ZNF736: variants seen among roughly 807,000 people sequenced by gnomAD.
The protein encoded by ZNF736 is KRAB-containing zinc-finger repressor protein.
ZNF736 carries 6 observed loss-of-function variants against 11.7 expected under a neutral mutation model. The ratio of observed to expected loss-of-function variants is 0.51; its 90% confidence interval spans 0.28 to 1.01. ZNF736 has a LOEUF of 1.01. Among genes scored for constraint, ZNF736 ranks in the 50% least tolerant of loss-of-function variants. The probability of loss-of-function intolerance (pLI) is 0.09; values close to 1 mark genes in which losing one functional copy is unlikely to be tolerated. For synonymous variants in ZNF736, 139 were observed against 164.7 expected (o/e 0.84, Z 1.19); for missense variants, 444 against 496.0 (o/e 0.90, Z 1.00).
rs1160162024 is a variant in ZNF736, at chr7:64,351,164, G to A, written c.*2017G>A. 6.6e-6 allele frequency: 1 copy of A among 152,252 alleles called. No individual in the cohort carries two copies. The highest frequency in any genetic ancestry group is 2.4e-5 in the African/African-American group (1 of 41,424). 9.4% of individuals were successfully genotyped at this position (152,252 alleles called of 1,614,324 possible). ...AGAAAGAGTGATTGTTCAGAGTGTG[G>A]GAGGTTACCCTGTTCTCTGCACAGT... On this transcript the variant is annotated 3_prime_UTR_variant, in exon 4 of 4. Transcript: ENST00000423484.
intron 1 of ZNF736, among the ~76,000 whole-genome samples, chr7:64,335,794 G>A (rs1039585083): frequency 3.9e-5 from 6 of 152,128 alleles, no homozygotes; most frequent in Admixed American, 1.3e-4. Flanking sequence ...CAGAAGCAAC[G>A]ATACCACTGG....
At chr7:64,341,780 A>G (rs1789341694) in intron 3 of ZNF736, among the ~76,000 whole-genome samples, 1 of 152,190 alleles carries the variant, frequency 6.6e-6, no homozygotes, top group South Asian at 2.1e-4. Context: ...TGTGTTGGAA[A>G]GTCTTTAAGC....
chr7:64,336,161 C>CAT (rs1789245395), intron 1 of ZNF736, 98 bp from the exon 2 acceptor site: 2 of 1,373,862 alleles, frequency 1.5e-6, no homozygotes, highest in Admixed American at 2.1e-5. Flanking sequence ...TCCAGTAACT[C>CAT]ATATAAGTCA....
intron 3 of ZNF736, among the ~76,000 whole-genome samples, chr7:64,339,025 G>A (rs1366817984): frequency 6.6e-6 from 1 of 151,848 alleles, no homozygotes; most frequent in African/African-American, 2.4e-5. Flanking sequence ...GTCCTAACAG[G>A]TATAAAGTAA....
In ZNF736 at chr7:64,348,819, G is replaced by T; in HGVS notation, c.956G>T (p.Gly319Val). Reference sequence around the variant, plus strand: ...AAACCCTACACATGTAATGAATGTGGAAAAGCTTTTAAGTGGTTCTCGGCC... The same window carrying T: ...AAACCCTACACATGTAATGAATGTGTAAAAGCTTTTAAGTGGTTCTCGGCC... ...GDKPYTCNEC[G>V]KAFKWFSALS... Residue 319 changes from glycine (G) to valine (V), a missense_variant, in exon 4 of 4, where the codon GGA becomes GTA. Gly to Val is a moderately radical substitution (Grantham distance 109). Coordinates refer to ENST00000423484, the MANE Select transcript of ZNF736 (RefSeq NM_001170905.3). 1 of 1,589,074 alleles carries T rather than the reference G, an allele frequency of 6.3e-7. No individual in the cohort carries two copies.
chr7:64,345,190 ATT>A (rs959679153), intron 3 of ZNF736, among the ~76,000 whole-genome samples: 70 of 145,148 alleles, frequency 4.8e-4, no homozygotes, highest in African/African-American at 1.7e-3. Flanking sequence ...CGCCTGGCTA[ATT>A]TTTTTTTTTC....
intron 1 of ZNF736, among the ~76,000 whole-genome samples, chr7:64,326,877 C>T (rs1223638348): frequency 6.6e-6 from 1 of 151,972 alleles, no homozygotes; most frequent in South Asian, 2.1e-4. Flanking sequence ...TTAGTGATTA[C>T]TAGTTTTATT....
At chr7:64,348,062 G>A (rs185909334) in intron 3 of ZNF736, 28 bp from the exon 4 acceptor site, 1 of 1,454,190 alleles carries the variant, frequency 6.9e-7, no homozygotes, top group African/African-American at 1.4e-5. Flanking sequence ...TGAGTCTAAT[G>A]AGGGAGAATT....
At chr7:64,320,636 G>A (rs1788990676) in intron 1 of ZNF736, among the ~76,000 whole-genome samples, 1 of 152,020 alleles carries the variant, frequency 6.6e-6, no homozygotes, top group Non-Finnish European at 1.5e-5. Flanking sequence ...AGAAAAGACT[G>A]GAAAAAGTTA....
chr7:64,351,761 T>A lies in ZNF736; in HGVS notation c.*2614T>A, dbSNP rs1789492089. On this transcript the variant is annotated 3_prime_UTR_variant, in exon 4 of 4. Coordinates refer to ENST00000423484, the MANE Select transcript of ZNF736 (RefSeq NM_001170905.3). ...GAGCTGGCTTGCTGCATTATCTCTTTGCTTGTCTTCTGGGGGCTGCATCTC... is the reference window on the plus strand; with the variant it reads ...GAGCTGGCTTGCTGCATTATCTCTTAGCTTGTCTTCTGGGGGCTGCATCTC... The A allele has an allele frequency of 6.6e-6, 1 of 152,274 alleles. No homozygotes were observed. Among genetic ancestry groups the A allele is most frequent in the African/African-American group, 2.4e-5 (1 of 41,454 alleles). The allele number at this position is 152,274 out of a possible 1,614,324, so 9.4% of individuals were successfully genotyped here.
In ZNF736 at chr7:64,348,460, A is replaced by G. The variant is rs1167080319; in HGVS notation, c.597A>G (p.Arg199=). The G allele has an allele frequency of 7.1e-6, 11 of 1,547,456 alleles. No individual in the cohort carries two copies. In the East Asian group the frequency reaches 2.7e-4, roughly 38 times the overall value. Residue 199 remains arginine (R), a synonymous_variant, in exon 4 of 4, where the codon AGA becomes AGG. Transcript: ENST00000423484. ...ATAAGAAAATTCATACTGTAGAGAG[A>G]TGCTACAAATGTGAAGAATGTGGCA... ...TRHKKIHTVE[R]CYKCEECGKA...
At chr7:64,335,151 G>A (rs1789228246) in intron 1 of ZNF736, among the ~76,000 whole-genome samples, 1 of 152,100 alleles carries the variant, frequency 6.6e-6, no homozygotes, top group Non-Finnish European at 1.5e-5. Context: ...CAGCAGATGG[G>A]GGCAAGGGGA....
chr7:64,337,756 G>GTTTTTTTTTTTTTT (rs569147961), intron 3 of ZNF736, among the ~76,000 whole-genome samples: 8 of 112,468 alleles, frequency 7.1e-5, no homozygotes, highest in South Asian at 2.4e-4. Flanking sequence ...GTTTTTTTTG[G>GTTTTTTTTTTTTTT]TTTTTTTTTT....
At chr7:64,320,252 A>AT (rs1471793659) in intron 1 of ZNF736, among the ~76,000 whole-genome samples, 6 of 152,202 alleles carry the variant, frequency 3.9e-5, no homozygotes, top group Non-Finnish European at 7.3e-5. Context: ...TTCAGGCCAC[A>AT]TTTTTTAGTA....
chr7:64,348,597 T>C lies in ZNF736; in HGVS notation c.734T>C (p.Val245Ala). Reference sequence around the variant, plus strand: ...ACTTTTACCTGCTCCTCAACCCTTGTTAAACACAAGAGAAATCATACTGGA... The same window carrying C: ...ACTTTTACCTGCTCCTCAACCCTTGCTAAACACAAGAGAAATCATACTGGA... ...GKTFTCSSTL[V>A]KHKRNHTGDR... Residue 245 changes from valine (V) to alanine (A), a missense_variant, in exon 4 of 4, where the codon GTT (valine) becomes GCT (alanine). Val to Ala is a moderately conservative substitution (Grantham distance 64, BLOSUM62 0). Coordinates refer to ENST00000423484, the MANE Select transcript of ZNF736 (RefSeq NM_001170905.3). 6.3e-7 allele frequency: 1 copy of C among 1,597,018 alleles called. No homozygotes were observed. Among genetic ancestry groups the C allele is most frequent in the Non-Finnish European group, 8.5e-7 (1 of 1,171,640 alleles).
Position 64,349,398 on chromosome 7 carries a change from C to T in ZNF736, c.*251C>T. 1 of 328,594 alleles carries T rather than the reference C, an allele frequency of 3.0e-6. No individual in the cohort carries two copies. The highest frequency in any genetic ancestry group is 5.5e-6 in the Non-Finnish European group (1 of 182,018). The allele number at this position is 328,594 out of a possible 1,614,324, so 20.4% of individuals were successfully genotyped here. The stretch of plus-strand genomic sequence containing the variant: ...GTTTTGTCAGAAACTAGGATTGCAA[C>T]CCCTGCTTCTTTTCCTGTTTTCTAT... On this transcript the variant is annotated 3_prime_UTR_variant, in exon 4 of 4. Transcript: ENST00000423484.
At chr7:64,337,978 C>A (rs914417904) in intron 3 of ZNF736, among the ~76,000 whole-genome samples, 11 of 152,120 alleles carry the variant, frequency 7.2e-5, no homozygotes, top group African/African-American at 2.7e-4. Flanking sequence ...TGGTCTCGAA[C>A]TCCCAACCTC....
chr7:64,330,617 T>C (rs1562670478), intron 1 of ZNF736, among the ~76,000 whole-genome samples: 1 of 152,086 alleles, frequency 6.6e-6, no homozygotes, highest in Non-Finnish European at 1.5e-5. Context: ...CCCTCTCTTT[T>C]CCTCAAGCAG....
At chr7:64,341,368 A>G (rs1789335562) in intron 3 of ZNF736, among the ~76,000 whole-genome samples, 1 of 152,060 alleles carries the variant, frequency 6.6e-6, no homozygotes, top group South Asian at 2.1e-4. Flanking sequence ...AAAAACAGCC[A>G]TCTAATCTAA....
Sources: allele counts gnomAD v4.1 joint callset (sites outside exome capture counted in the v4.1 genomes callset), GRCh38; gene constraint gnomAD v4.1.1; transcripts MANE v1.5; gene names NCBI Gene and HGNC (gene_info 2026-07-23, HGNC 2026-07-21).